The following GPC2 variants were observed in gnomAD, a reference collection of about 807,000 sequenced individuals.
GPC2 encodes glypican-2.
GPC2 carries 42 observed loss-of-function variants against 57.3 expected under a neutral mutation model. The observed-to-expected ratio is 0.73, with a 90% confidence interval of 0.57 to 0.95. The LOEUF (loss-of-function observed/expected upper bound fraction) is 0.95. Among genes scored for constraint, GPC2 ranks in the 40% least tolerant of loss-of-function variants. GPC2 has a pLI of 0.00. For synonymous variants in GPC2, 364 were observed against 343.4 expected, an observed-to-expected ratio of 1.06 and a Z score of -0.66; for missense variants, 745 against 793.6, an observed-to-expected ratio of 0.94 and a Z score of 0.74.
At position 100,171,944 on chromosome 7, in the gene GPC2, AC is replaced by A. The variant is rs1799186729; in HGVS notation, c.1024-20del. On this transcript the variant is annotated intron_variant, in intron 6 of 9. Coordinates refer to ENST00000292377, the MANE Select transcript of GPC2 (RefSeq NM_152742.3). The surrounding 1 kb of genome is among the most constrained non-coding windows in gnomAD (Gnocchi z 4.8). ...GAAACACCTGCGGCACCGGGAAGAGACCTCACACAGTCACCCTGGGGGGAAA... is the reference window on the plus strand; with the variant it reads ...GAAACACCTGCGGCACCGGGAAGAGACTCACACAGTCACCCTGGGGGGAAA... 2 of 1,524,784 alleles carry A rather than the reference AC, an allele frequency of 1.3e-6. No individual in the cohort carries two copies. Among genetic ancestry groups the A allele is most frequent in the Non-Finnish European group, 1.8e-6 (2 of 1,139,268 alleles). 94.5% of individuals were successfully genotyped at this position (1,524,784 alleles called of 1,614,324 possible). A position where few individuals can be genotyped will look rare whatever the true frequency, so the allele number is the denominator to read the frequency against.
intron 5 of GPC2, 126 bp from the exon 6 acceptor site, chr7:100,172,343 C>T: frequency 2.0e-6 from 2 of 998,138 alleles, no homozygotes; most frequent in Middle Eastern, 2.6e-4. Flanking sequence ...ACATGAGCTC[C>T]CTCTCATGTA....
chr7:100,169,629 C>A lies in GPC2; in HGVS notation c.*601G>T, dbSNP rs190783766. On this transcript the variant is annotated 3_prime_UTR_variant, in exon 10 of 10. Coordinates refer to ENST00000292377, the MANE Select transcript of GPC2 (RefSeq NM_152742.3). ...GGTCCAATACATTACCATTTATTTGCAGAATAAACATGGACTCAAACACTG... is the reference window on the plus strand; with the variant it reads ...GGTCCAATACATTACCATTTATTTGAAGAATAAACATGGACTCAAACACTG... 1 of 152,744 alleles carries A rather than the reference C, an allele frequency of 6.5e-6. No homozygotes were observed. The highest frequency in any genetic ancestry group is 2.4e-5 in the African/African-American group (1 of 41,566). 9.5% of individuals were successfully genotyped at this position (152,744 alleles called of 1,614,324 possible).
chr7:100,170,018 C>T lies in GPC2; in HGVS notation c.*212G>A. 2.2e-6 allele frequency: 1 copy of T among 454,426 alleles called. No homozygotes were observed. Among genetic ancestry groups the T allele is most frequent in the Non-Finnish European group, 3.9e-6 (1 of 258,228 alleles). The allele number at this position is 454,426 out of a possible 1,614,324, so 28.1% of individuals were successfully genotyped here. On this transcript the variant is annotated 3_prime_UTR_variant, in exon 10 of 10. Coordinates refer to ENST00000292377, the MANE Select transcript of GPC2 (RefSeq NM_152742.3). Reference sequence around the variant, plus strand: ...TCCCTCCTAAATAAATACCCCCAGGCCCCCCTCCCATTACCAAATGAAAAA... The same window carrying T: ...TCCCTCCTAAATAAATACCCCCAGGTCCCCCTCCCATTACCAAATGAAAAA...
Position 100,170,081 on chromosome 7 carries a change from T to A in GPC2, c.*149A>T. 11 of 612,696 alleles carry A rather than the reference T, an allele frequency of 1.8e-5. No individual in the cohort carries two copies. Among genetic ancestry groups the A allele is most frequent in the South Asian group, 3.5e-5 (1 of 28,744 alleles). The allele number at this position is 612,696 out of a possible 1,614,324, so 38.0% of individuals were successfully genotyped here. A position where few individuals can be genotyped will look rare whatever the true frequency, so the allele number is the denominator to read the frequency against. On this transcript the variant is annotated 3_prime_UTR_variant, in exon 10 of 10. Coordinates refer to ENST00000292377, the MANE Select transcript of GPC2 (RefSeq NM_152742.3). ...AACACCCACCCACCTCTGATGAAAA[T>A]CTCCTGGATTTGGGGCCCCAGCCAT... is the stretch of plus-strand genomic sequence containing the variant.
chr7:100,176,428 G>A (rs888703667), intron 1 of GPC2, 63 bp from the exon 2 acceptor site: 27 of 1,489,256 alleles, frequency 1.8e-5, no homozygotes, highest in African/African-American at 1.4e-4. Flanking sequence ...TCCATTTCCC[G>A]CCTATCTCTG....
In GPC2 at chr7:100,173,930, AC is replaced by A. The variant is rs759282540; in HGVS notation, c.796del (p.Val266SerfsTer36). On this transcript the variant is annotated frameshift_variant, in exon 5 of 10. Transcript: ENST00000292377. LOFTEE classifies it high-confidence loss of function. ...RLIGCPLCRG[V>X]PSLMPCQGFC... is the part of the protein sequence containing the mutation. ...GCCCTGGCAGGGCATAAGTGAGGGGACCCCCCGGCACAGGGGACAGCCGATG... is the reference window on the plus strand; with the variant it reads ...GCCCTGGCAGGGCATAAGTGAGGGGACCCCCGGCACAGGGGACAGCCGATG... The A allele has an allele frequency of 1.4e-5, 23 of 1,599,818 alleles. No homozygotes were observed. The highest frequency in any genetic ancestry group is 1.7e-4 in the Middle Eastern group (1 of 6,016).
In GPC2 at chr7:100,171,408, G is replaced by C. The variant is rs1347182058; in HGVS notation, c.1339C>G (p.Pro447Ala). 9 of 1,485,592 alleles carry C rather than the reference G, an allele frequency of 6.1e-6. 1 individual carries two copies. In the African/African-American group the frequency reaches 7.3e-5, roughly 12 times the overall value. 92.0% of individuals were successfully genotyped at this position (1,485,592 alleles called of 1,614,324 possible). Residue 447 changes from proline to alanine, a missense_variant, in exon 9 of 10, where the codon CCG becomes GCG. By Grantham distance (27) the Pro-to-Ala change is conservative. This residue lies in a region of GPC2 where 607 missense variants were observed against 603.9 expected (regional missense o/e 1.01). Transcript: ENST00000292377. This position sits in a 1 kb window ranked among gnomAD's most constrained non-coding sequence, Gnocchi z 4.8. ...RYLPPVVGGS[P>A]AEQVNNPELK... ...TCGGGGTTGTTGACCTGCTCGGCCG[G>C]GGAGCCCCCGACCACTGGCGGCAAG...
intron 5 of GPC2, among the ~76,000 whole-genome samples, chr7:100,172,717 ATACACG>A (rs1156813266): frequency 2.1e-5 from 3 of 144,532 alleles, no homozygotes; most frequent in African/African-American, 7.9e-5. Flanking sequence ...ATATGTATAT[ATACACG>A]TATATATATG....
chr7:100,176,496 C>T (rs1247800275), intron 1 of GPC2, 131 bp from the exon 2 acceptor site: 4 of 824,684 alleles, frequency 4.9e-6, no homozygotes, highest in African/African-American at 3.4e-5. Flanking sequence ...GCACCCTCTT[C>T]CCTACCTGAA....
At position 100,176,381 on chromosome 7, in the gene GPC2, G is replaced by A. The variant is rs202085989; in HGVS notation, c.167-16C>T. 107 of 1,607,650 alleles carry A rather than the reference G, an allele frequency of 6.7e-5. 1 individual carries two copies. The highest frequency in any genetic ancestry group is 3.5e-4 in the Middle Eastern group (2 of 5,756). ...AGGTGCTCACCTGGACAGAGGAGAC[G>A]TGAAGGAATGGTGGGAAGTGATATC... On this transcript the variant is annotated splice_polypyrimidine_tract_variant and intron_variant, in intron 1 of 9. Transcript: ENST00000292377.
In GPC2 at chr7:100,172,231, G is replaced by C. The variant is rs752013755; in HGVS notation, c.893-14C>G. On this transcript the variant is annotated splice_polypyrimidine_tract_variant and intron_variant, in intron 5 of 9. Transcript: ENST00000292377. ...TCAGGAGACCATCTTAAGGGAGGGA[G>C]AGAAAGAGAAAGGATGGGATGAGTG... 4 of 1,612,954 alleles carry C rather than the reference G, an allele frequency of 2.5e-6. No homozygotes were observed. Among genetic ancestry groups the C allele is most frequent in the African/African-American group, 2.7e-5 (2 of 74,856 alleles).
At chr7:100,170,952 T>C (rs1238367387) in intron 9 of GPC2, 2 of 358,442 alleles carry the variant, frequency 5.6e-6, no homozygotes, top group South Asian at 6.6e-5. Flanking sequence ...CCCACCACCC[T>C]GGCTTCCCAG....
Position 100,171,354 on chromosome 7 carries a change from C to T in GPC2, c.1393G>A (p.Val465Ile), listed in dbSNP as rs1394375050. The change falls in exon 9 of 10, where the codon GTC becomes ATC. Residue 465 changes from valine (V) to isoleucine (I), a missense_variant. Coordinates refer to ENST00000292377, the MANE Select transcript of GPC2 (RefSeq NM_152742.3). This position sits in a 1 kb window ranked among gnomAD's most constrained non-coding sequence, Gnocchi z 4.8. ...TGTAGCCGACGCCGCCGTGTCGGGA[C>T]ATCGGGGCCCGAGGCGTCCACCTTG... ...ELKVDASGPD[V>I]PTRRRRLQLR... 1.9e-6 allele frequency: 3 copies of T among 1,545,738 alleles called. No individual in the cohort carries two copies. Among genetic ancestry groups the T allele is most frequent in the South Asian group, 1.2e-5 (1 of 83,704 alleles).
intron 5 of GPC2, chr7:100,173,421 C>T (rs1245049379): frequency 6.5e-6 from 1 of 152,784 alleles, no homozygotes; most frequent in African/African-American, 2.4e-5. Context: ...GCATGTGTGC[C>T]ACCATGCCTG....
In GPC2 at chr7:100,171,663, C is replaced by T. The variant is rs748321977; in HGVS notation, c.1186G>A (p.Glu396Lys). ...AAGCCCCGCATCCGGGCCAGACGCT[C>T]GCGGAGCTCCCACACCTGGGCGGGC... ...NLHRLVWELRERLARMRGFWA... is the reference protein window; with the variant it reads ...NLHRLVWELRKRLARMRGFWA... Residue 396 changes from glutamate (E) to lysine (K), a missense_variant, in exon 8 of 10, where the codon GAG becomes AAG. Glu to Lys is a moderately conservative substitution (Grantham distance 56). This residue lies in a region of GPC2 where 607 missense variants were observed against 603.9 expected (regional missense o/e 1.01). Coordinates refer to ENST00000292377, the MANE Select transcript of GPC2 (RefSeq NM_152742.3). The surrounding 1 kb of genome is among the most constrained non-coding windows in gnomAD (Gnocchi z 4.8). The T allele has an allele frequency of 2.0e-6, 3 of 1,506,940 alleles. No individual in the cohort carries two copies. The allele number at this position is 1,506,940 out of a possible 1,614,324, so 93.3% of individuals were successfully genotyped here. A position where few individuals can be genotyped will look rare whatever the true frequency, so the allele number is the denominator to read the frequency against.
At chr7:100,173,316 GGAGTA>G (rs1275017497) in intron 5 of GPC2, 2 of 152,272 alleles carry the variant, frequency 1.3e-5, no homozygotes, top group African/African-American at 4.8e-5. Flanking sequence ...CGCCCAGGTT[GGAGTA>G]TAGTGGCATC....
chr7:100,171,539 C>A lies in GPC2; in HGVS notation c.1310G>T (p.Arg437Leu). The part of the protein sequence containing the change: ...APCWTGAGRG[R>L]YLPPVVGGSP... ...GCCCCCCGACGCCCCCGAGGCTCAC[C>A]GGCCCCGCCCGGCTCCGGTCCAGCA... Residue 437 changes from arginine to leucine, a missense_variant and splice_region_variant, in exon 8 of 10, where the codon CGG becomes CTG. Physicochemically the swap from Arg to Leu is moderately radical, Grantham distance 102 (BLOSUM62 -2). Around this residue, in one of 2 missense-constraint regions of GPC2, gnomAD observed 607 missense variants for 603.9 expected, o/e 1.01. Coordinates refer to ENST00000292377, the MANE Select transcript of GPC2 (RefSeq NM_152742.3). The surrounding 1 kb of genome is among the most constrained non-coding windows in gnomAD (Gnocchi z 4.8). 2 of 1,432,692 alleles carry A rather than the reference C, an allele frequency of 1.4e-6. No homozygotes were observed. Among genetic ancestry groups the A allele is most frequent in the South Asian group, 1.4e-5 (1 of 70,794 alleles). The allele number at this position is 1,432,692 out of a possible 1,614,324, so 88.7% of individuals were successfully genotyped here. A position where few individuals can be genotyped will look rare whatever the true frequency, so the allele number is the denominator to read the frequency against.
Position 100,173,749 on chromosome 7 carries a change from G to A in GPC2, c.892+86C>T. On this transcript the variant is annotated intron_variant, in intron 5 of 9. Coordinates refer to ENST00000292377, the MANE Select transcript of GPC2 (RefSeq NM_152742.3). ...TGGGCTCCAACTCCTGGCCTCAAGT[G>A]ATCCTCCTGCCTCAGCCTCTCAAAG... 2.7e-6 allele frequency: 3 copies of A among 1,118,024 alleles called. No homozygotes were observed. In the African/African-American group the frequency reaches 4.9e-5, roughly 18 times the overall value. The allele number at this position is 1,118,024 out of a possible 1,614,324, so 69.3% of individuals were successfully genotyped here.
chr7:100,172,465 A>ATTTTTTTTTTTTTTTTT (rs766292878), intron 5 of GPC2, among the ~76,000 whole-genome samples: 60 of 140,178 alleles, frequency 4.3e-4, no homozygotes, highest in Middle Eastern at 3.7e-3. Flanking sequence ...GGATTTTAGG[A>ATTTTTTTTTTTTTTTTT]TTTTTTTTTT....
Sources: gnomAD v4.1 joint callset for allele counts (sites outside exome capture counted in the v4.1 genomes callset) on GRCh38, gnomAD v4.1.1 for gene constraint, gnomAD v4.1.1 regional missense constraint, Gnocchi (gnomAD v3.1) non-coding constraint, MANE v1.5 for transcripts, NCBI Gene and HGNC (gene_info 2026-07-23, HGNC 2026-07-21) for gene names.